RIMS1: variants seen among roughly 807,000 people sequenced by gnomAD.
RIMS1 encodes regulating synaptic membrane exocytosis protein 1.
Under a neutral mutation model 214.1 loss-of-function variants are expected in RIMS1, and 83 were observed. That is an observed-to-expected ratio of 0.39 (90% CI 0.32 to 0.47). The LOEUF (loss-of-function observed/expected upper bound fraction) is 0.47. Among genes scored for constraint, RIMS1 ranks in the 20% least tolerant of loss-of-function variants. The pLI is 0.99. For synonymous variants in RIMS1, 793 were observed against 786.8 expected, an observed-to-expected ratio of 1.01 and a Z score of -0.13; for missense variants, 2,050 against 2,161.8, an observed-to-expected ratio of 0.95 and a Z score of 1.03.
Position 72,252,811 on chromosome 6 carries a change from G to A in RIMS1, c.2749G>A (p.Gly917Ser). The change falls in exon 16 of 34, where the codon GGT (glycine) becomes AGT (serine). Residue 917 changes from glycine (G) to serine (S), a missense_variant. By Grantham distance (56) the Gly-to-Ser change is moderately conservative. This residue lies in a region of RIMS1 where 889 missense variants were observed against 885.5 expected (regional missense o/e 1.00). Transcript: ENST00000521978. ...SDISDYEVDD[G>S]IGVVPPVGYR... ...CATCTCAGATTATGAGGTTGATGAT[G>A]GTATTGGCGTAGTTCCTCCAGGTGC... 1 of 1,557,268 alleles carries A rather than the reference G, an allele frequency of 6.4e-7. No individual in the cohort carries two copies. The highest frequency in any genetic ancestry group is 8.7e-7 in the Non-Finnish European group (1 of 1,149,476).
intron 6 of RIMS1, among the ~76,000 whole-genome samples, chr6:72,201,040 C>T (rs1459450569): frequency 2.0e-5 from 3 of 151,998 alleles, no homozygotes; most frequent in Non-Finnish European, 4.4e-5. Flanking sequence ...GATTCTAAAA[C>T]AGGAGTTATG....
At position 72,233,769 on chromosome 6, in the gene RIMS1, A is replaced by C. The variant is rs1032835111; in HGVS notation, c.1679-4A>C. The C allele has an allele frequency of 6.4e-7, 1 of 1,562,730 alleles. No individual in the cohort carries two copies. The highest frequency in any genetic ancestry group is 8.7e-7 in the Non-Finnish European group (1 of 1,149,830). ...ACACTTTTCATTCTTTTTGTATTGC[A>C]CAGGTGATTTGGATTATTACTGGTT... On this transcript the variant is annotated splice_region_variant and splice_polypyrimidine_tract_variant and intron_variant, in intron 6 of 33. Coordinates refer to ENST00000521978, the MANE Select transcript of RIMS1 (RefSeq NM_014989.7).
At chr6:72,146,952 G>T (rs929147291) in intron 4 of RIMS1, among the ~76,000 whole-genome samples, 1 of 151,966 alleles carries the variant, frequency 6.6e-6, no homozygotes, top group Non-Finnish European at 1.5e-5. Flanking sequence ...CATAATCAGG[G>T]GCATGGTTAA....
chr6:72,182,923 G>T lies in RIMS1; in HGVS notation c.1452G>T (p.Met484Ile). Residue 484 changes from methionine to isoleucine, a missense_variant, in exon 6 of 34, where the codon ATG (methionine) becomes ATT (isoleucine). By Grantham distance (10) the Met-to-Ile change is conservative. This residue lies in a region of RIMS1 where 882 missense variants were observed against 828.9 expected (regional missense o/e 1.06). Coordinates refer to ENST00000521978, the MANE Select transcript of RIMS1 (RefSeq NM_014989.7). ...TGGACCCCAGCTCGGCGGTCCTCATGCGGAAGGCCAAGCGCGAGAAGGTGG... is the reference window on the plus strand; with the variant it reads ...TGGACCCCAGCTCGGCGGTCCTCATTCGGAAGGCCAAGCGCGAGAAGGTGG... The part of the protein sequence containing the change: ...SRLDPSSAVL[M>I]RKAKREKVET... 1 of 1,583,568 alleles carries T rather than the reference G, an allele frequency of 6.3e-7. No individual in the cohort carries two copies. The highest frequency in any genetic ancestry group is 8.6e-7 in the Non-Finnish European group (1 of 1,166,292).
intron 1 of RIMS1, among the ~76,000 whole-genome samples, chr6:71,903,482 C>T (rs1774344855): frequency 6.6e-6 from 1 of 152,010 alleles, no homozygotes; most frequent in Admixed American, 6.6e-5. Flanking sequence ...GCAATTGCAA[C>T]AAAAGCAAAA....
chr6:72,164,251 T>C (rs999198267), intron 4 of RIMS1, among the ~76,000 whole-genome samples: 14 of 152,256 alleles, frequency 9.2e-5, no homozygotes, highest in African/African-American at 2.9e-4. Flanking sequence ...AGCGCAGTAT[T>C]AGGGTGGGAG....
Position 72,400,496 on chromosome 6 carries a change from GT to G in RIMS1, c.4862del (p.Val1621GlyfsTer32). The G allele has an allele frequency of 6.2e-7, 1 of 1,613,420 alleles. No individual in the cohort carries two copies. Among genetic ancestry groups the G allele is most frequent in the Non-Finnish European group, 8.5e-7 (1 of 1,179,396 alleles). On this transcript the variant is annotated frameshift_variant and splice_region_variant, in exon 34 of 34. Coordinates refer to ENST00000521978, the MANE Select transcript of RIMS1 (RefSeq NM_014989.7). LOFTEE classifies it high-confidence loss of function. ...DESPQGKVLQ[V>X]IVWGDYGRMD... The stretch of plus-strand genomic sequence containing the variant: ...ATGTTGCATTTCTCTATCTCTGCAG[GT>G]GATTGTCTGGGGAGACTATGGCAGA...
chr6:72,390,514 A>G (rs1371349605), intron 29 of RIMS1, 84 bp from the exon 30 acceptor site: 2 of 1,348,042 alleles, frequency 1.5e-6, no homozygotes, highest in Non-Finnish European at 2.0e-6. Context: ...TGTAAAATTA[A>G]CTATTGTATT....
chr6:72,096,567 T>G (rs1000164402), intron 2 of RIMS1, among the ~76,000 whole-genome samples: 1 of 152,242 alleles, frequency 6.6e-6, no homozygotes, highest in Non-Finnish European at 1.5e-5. Flanking sequence ...AGGCTAAATA[T>G]TTTGTGTAAT....
chr6:72,004,439 C>T (rs1443233289), intron 2 of RIMS1, among the ~76,000 whole-genome samples: 16 of 151,836 alleles, frequency 1.1e-4, no homozygotes, highest in South Asian at 2.1e-4. Flanking sequence ...CCTGAGGAAT[C>T]GCCACACTGA....
At chr6:71,954,846 G>GCGCACACA (rs559283383) in intron 1 of RIMS1, among the ~76,000 whole-genome samples, 1 of 144,832 alleles carries the variant, frequency 6.9e-6, no homozygotes, top group African/African-American at 2.6e-5. Context: ...CCACTCCTCA[G>GCGCACACA]CACACACACA....
chr6:72,200,250 T>A (rs973706164), intron 6 of RIMS1, among the ~76,000 whole-genome samples: 1 of 152,084 alleles, frequency 6.6e-6, no homozygotes, highest in Non-Finnish European at 1.5e-5. Context: ...ATATATTAAT[T>A]TTTCATTGAG....
intron 1 of RIMS1, among the ~76,000 whole-genome samples, chr6:71,913,556 G>A (rs192461856): frequency 6.6e-6 from 1 of 152,182 alleles, no homozygotes; most frequent in East Asian, 1.9e-4. Context: ...ATAGAAAACA[G>A]TTACAGCTAA....
chr6:72,292,632 T>A (rs2093571045), intron 26 of RIMS1, among the ~76,000 whole-genome samples: 1 of 152,104 alleles, frequency 6.6e-6, no homozygotes, highest in South Asian at 2.1e-4. Flanking sequence ...TACGGTCTGA[T>A]TTTAGTAGAA....
In RIMS1 at chr6:72,108,953, T is replaced by C. The variant is rs546928386; in HGVS notation, c.471+8967T>C. On this transcript the variant is annotated intron_variant, in intron 4 of 33. Coordinates refer to ENST00000521978, the MANE Select transcript of RIMS1 (RefSeq NM_014989.7). ...CCTATGAGTGAGAAAATGCAGTGTC[T>C]GGTTTTTTGTTCTTGCGATAGTTTA... 4.1e-4 allele frequency among the ~76,000 whole-genome samples: 62 copies of C among 150,062 alleles called. No homozygotes were observed. The South Asian group carries it at 0.01, about 25-fold the overall frequency.
intron 2 of RIMS1, among the ~76,000 whole-genome samples, chr6:72,093,717 A>G (rs1201305229): frequency 6.6e-6 from 1 of 151,620 alleles, no homozygotes; most frequent in Non-Finnish European, 1.5e-5. Flanking sequence ...GTCTATGTTT[A>G]TGTATTTATT....
rs766004527 is a variant in RIMS1, at chr6:72,097,092, A to G, written c.389A>G (p.His130Arg). 1.5e-5 allele frequency: 25 copies of G among 1,613,922 alleles called. No homozygotes were observed. Among genetic ancestry groups the G allele is most frequent in the Non-Finnish European group, 1.9e-5 (23 of 1,179,880 alleles). Residue 130 changes from histidine (H) to arginine (R), a missense_variant, in exon 3 of 34, where the codon CAT (histidine) becomes CGT (arginine). Physicochemically the swap from His to Arg is conservative, Grantham distance 29. Transcript: ENST00000521978. ...ACAAAGTTTGCTGATGGGTGCGGTC[A>G]TCTCTGCTCCTATTGTCGCACTAAG... is the stretch of plus-strand genomic sequence containing the variant. ...HKTKFADGCGHLCSYCRTKFC... is the reference protein window; with the variant it reads ...HKTKFADGCGRLCSYCRTKFC...
At chr6:72,124,829 A>T (rs549995502) in intron 4 of RIMS1, among the ~76,000 whole-genome samples, 2 of 152,180 alleles carry the variant, frequency 1.3e-5, no homozygotes, top group East Asian at 3.9e-4. Context: ...CAGCTCCATC[A>T]GGTCATTTAA....
intron 6 of RIMS1, among the ~76,000 whole-genome samples, chr6:72,206,912 A>C (rs1390793049): frequency 2.0e-5 from 3 of 152,176 alleles, no homozygotes; most frequent in Non-Finnish European, 4.4e-5. Context: ...TAAAGATTCC[A>C]GTTCTGCATT....
Sources: gnomAD v4.1 joint callset for allele counts (sites outside exome capture counted in the v4.1 genomes callset) on GRCh38, gnomAD v4.1.1 for gene constraint, gnomAD v4.1.1 regional missense constraint, MANE v1.5 for transcripts, NCBI Gene and HGNC (gene_info 2026-07-23, HGNC 2026-07-21) for gene names.